Variants in RGS7 observed in about 807,000 individuals in gnomAD.
The protein encoded by RGS7 is regulator of G-protein signaling 7.
RGS7 carries 27 observed loss-of-function variants against 81.1 expected under a neutral mutation model. The observed-to-expected ratio is 0.33, with a 90% confidence interval of 0.25 to 0.46. The LOEUF (loss-of-function observed/expected upper bound fraction) is 0.46, where lower values mean the gene tolerates loss of function less well. Ranked by LOEUF, RGS7 falls within the 20% of genes least tolerant of loss-of-function variation. The probability of loss-of-function intolerance (pLI) is 1.00; values close to 1 mark genes in which losing one functional copy is unlikely to be tolerated. For missense variants in RGS7, 396 were observed against 607.4 expected, an observed-to-expected ratio of 0.65 and a Z score of 3.66; for synonymous variants, 208 against 207.7, an observed-to-expected ratio of 1.00 and a Z score of -0.01.
At chr1:240,964,071 G>A (rs1681899415) in intron 4 of RGS7, among the ~76,000 whole-genome samples, 1 of 152,180 alleles carries the variant, frequency 6.6e-6, no homozygotes, top group Non-Finnish European at 1.5e-5. Context: ...AGAGGATGGG[G>A]TAAGAAGCAC....
At chr1:240,878,122 G>A (rs575251520) in intron 6 of RGS7, among the ~76,000 whole-genome samples, 3 of 151,924 alleles carry the variant, frequency 2.0e-5, no homozygotes, top group East Asian at 1.9e-4. Context: ...TCTCCTTTCC[G>A]TCTCTGGAGA....
At chr1:240,964,854 T>A (rs1191381685) in intron 4 of RGS7, among the ~76,000 whole-genome samples, 2 of 152,196 alleles carry the variant, frequency 1.3e-5, no homozygotes, top group Non-Finnish European at 2.9e-5. Context: ...AAAGAGGTCA[T>A]GAAAAGAACA....
At chr1:241,117,039 C>T (rs1485375244) in intron 2 of RGS7, among the ~76,000 whole-genome samples, 2 of 152,164 alleles carry the variant, frequency 1.3e-5, no homozygotes, top group East Asian at 3.9e-4. Flanking sequence ...GAAGGGGGCC[C>T]TCTACGAGGT....
chr1:240,789,604 G>A lies in RGS7; in HGVS notation c.*6+11037C>T, dbSNP rs143629563. The stretch of plus-strand genomic sequence containing the variant: ...GGGATGGCTATCTTTTACGGTCGTA[G>A]CTGTGGGATGAAATAAGCCCTGGTC... On this transcript the variant is annotated intron_variant, in intron 18 of 18. Transcript: ENST00000440928. 6.9e-3 allele frequency among the ~76,000 whole-genome samples: 1,058 copies of A among 152,308 alleles called. 12 individuals are homozygous for A. The highest frequency in any genetic ancestry group is 0.024 in the African/African-American group (1,013 of 41,562).
intron 4 of RGS7, among the ~76,000 whole-genome samples, chr1:240,958,269 G>A (rs537292581): frequency 3.9e-5 from 6 of 152,312 alleles, no homozygotes; most frequent in African/African-American, 4.8e-5. Context: ...TTCCAGATAC[G>A]ATGTCAGATT....
At chr1:241,352,151 A>C (rs999266743) in intron 2 of RGS7, among the ~76,000 whole-genome samples, 1 of 152,116 alleles carries the variant, frequency 6.6e-6, no homozygotes, top group Non-Finnish European at 1.5e-5. Flanking sequence ...GCCGACCAAA[A>C]ACGGGGGTAG....
Position 240,936,699 on chromosome 1 carries a change from C to A in RGS7, c.234G>T (p.Ala78=), listed in dbSNP as rs374423156. ...KNLTIEDPVE[A]LHLGTLMAAH... is the part of the protein sequence containing the mutation. ...CAGCCATTAATGTTCCCAAATGGAG[C>A]GCCTCCACTGTTTTATGAAAACAAA... The change falls in exon 5 of 19, where the codon GCG becomes GCT. Residue 78 remains alanine (A), a synonymous_variant. Coordinates refer to ENST00000440928, the MANE Select transcript of RGS7 (RefSeq NM_001364886.1). 6.2e-7 allele frequency: 1 copy of A among 1,612,076 alleles called. No individual in the cohort carries two copies. The highest frequency in any genetic ancestry group is 8.5e-7 in the Non-Finnish European group (1 of 1,178,264).
intron 6 of RGS7, among the ~76,000 whole-genome samples, chr1:240,928,659 A>G (rs2148335274): frequency 6.9e-6 from 1 of 144,882 alleles, no homozygotes; most frequent in East Asian, 2.0e-4. Context: ...TCCAGGCTAG[A>G]GTGCAGTAGC....
intron 3 of RGS7, among the ~76,000 whole-genome samples, chr1:241,089,063 C>CTCTCTCTCTCTCTCTCTCTCTATA (rs1374552672): frequency 4.2e-5 from 1 of 23,704 alleles, no homozygotes; most frequent in Admixed American, 4.9e-4. Flanking sequence ...CTCTCTCTCT[C>CTCTCTCTCTCTCTCTCTCTCTATA]TATATATATA....
intron 2 of RGS7, among the ~76,000 whole-genome samples, chr1:241,213,767 A>G (rs1252786544): frequency 6.6e-6 from 1 of 152,148 alleles, no homozygotes; most frequent in African/African-American, 2.4e-5. Context: ...ATTTTAAATA[A>G]TTTTTTAAAA....
chr1:240,776,178 A>G lies in RGS7; in HGVS notation c.*42T>C. 1.2e-6 allele frequency: 2 copies of G among 1,611,928 alleles called. No homozygotes were observed. Among genetic ancestry groups the G allele is most frequent in the Non-Finnish European group, 1.7e-6 (2 of 1,177,948 alleles). Reference sequence around the variant, plus strand: ...GATGATCCGTTTAGTAAGACTGAGCAAGGCTTGTTAACCTCTTGGACGTGA... The same window carrying G: ...GATGATCCGTTTAGTAAGACTGAGCGAGGCTTGTTAACCTCTTGGACGTGA... On this transcript the variant is annotated 3_prime_UTR_variant, in exon 19 of 19. Transcript: ENST00000440928.
intron 3 of RGS7, among the ~76,000 whole-genome samples, chr1:241,080,927 T>G (rs12073822): frequency 1.3e-5 from 2 of 152,104 alleles, no homozygotes; most frequent in African/African-American, 4.8e-5. Context: ...CCTAATTTAA[T>G]TTATGGCCTG....
intron 7 of RGS7, 71 bp downstream of exon 7, chr1:240,869,984 C>T (rs1339871526): frequency 8.3e-7 from 1 of 1,209,640 alleles, no homozygotes; most frequent in African/African-American, 1.5e-5. Context: ...AACATCCTGC[C>T]CAGAAAAGGC....
chr1:241,238,640 T>C (rs2076107679), intron 2 of RGS7, among the ~76,000 whole-genome samples: 1 of 152,084 alleles, frequency 6.6e-6, no homozygotes, highest in South Asian at 2.1e-4. Flanking sequence ...GGTCAAGTGA[T>C]CCTCCTGCCT....
chr1:240,920,607 T>A, intron 6 of RGS7: 1 of 1,053,592 alleles, frequency 9.5e-7, no homozygotes, highest in South Asian at 1.2e-5. Flanking sequence ...TGGCAGAAGA[T>A]TTTAATTAGG....
intron 4 of RGS7, among the ~76,000 whole-genome samples, chr1:240,978,733 AATT>A (rs1261252393): frequency 1.3e-5 from 2 of 152,206 alleles, no homozygotes; most frequent in African/African-American, 4.8e-5. Context: ...AGTTAGTTAC[AATT>A]ATTATAAAAA....
At chr1:240,991,367 G>C (rs1686429305) in intron 3 of RGS7, among the ~76,000 whole-genome samples, 1 of 152,188 alleles carries the variant, frequency 6.6e-6, no homozygotes. Flanking sequence ...GGAGATAAAA[G>C]GTAATGGAGA....
intron 2 of RGS7, among the ~76,000 whole-genome samples, chr1:241,168,327 AAAAAT>A (rs1367775762): frequency 3.3e-5 from 5 of 152,214 alleles, no homozygotes; most frequent in African/African-American, 1.2e-4. Flanking sequence ...GATTGAAGAG[AAAAAT>A]AAAATATTAT....
intron 6 of RGS7, among the ~76,000 whole-genome samples, chr1:240,897,529 A>T (rs1001050444): frequency 2.1e-5 from 3 of 145,114 alleles, no homozygotes; most frequent in Non-Finnish European, 3.1e-5. Flanking sequence ...TTCTGCATCT[A>T]TTGAGATAAT....
Sources: allele counts gnomAD v4.1 joint callset (sites outside exome capture counted in the v4.1 genomes callset), GRCh38; gene constraint gnomAD v4.1.1; transcripts MANE v1.5; gene names NCBI Gene and HGNC (gene_info 2026-07-23, HGNC 2026-07-21).